PCF11: variants seen among roughly 807,000 people sequenced by gnomAD.
PCF11 encodes the protein pre-mRNA cleavage complex 2 protein Pcf11.
In PCF11, 19 loss-of-function variants were observed where a neutral mutation model predicts 166.1. The observed-to-expected ratio is 0.11, with a 90% CI of 0.08 to 0.17. The LOEUF (loss-of-function observed/expected upper bound fraction) is 0.17. Among genes scored for constraint, PCF11 ranks in the 10% least tolerant of loss-of-function variants. The pLI, the probability that PCF11 is intolerant of heterozygous loss-of-function variation, is 1.00. For synonymous variants in PCF11, 663 were observed against 644.1 expected, an observed-to-expected ratio of 1.03 and a Z score of -0.44; for missense variants, 1,565 against 1,855.5, an observed-to-expected ratio of 0.84 and a Z score of 2.88.
chr11:83,175,538 G>A (rs1330736719), intron 9 of PCF11, among the ~76,000 whole-genome samples: 1 of 152,190 alleles, frequency 6.6e-6, no homozygotes, highest in Non-Finnish European at 1.5e-5. Context: ...AGATCATGGA[G>A]TCAGGAGATC....
intron 1 of PCF11, among the ~76,000 whole-genome samples, chr11:83,159,549 A>G (rs973710820): frequency 6.6e-6 from 1 of 152,206 alleles, no homozygotes; most frequent in Admixed American, 6.5e-5. Context: ...GTATATCGCT[A>G]CACAGTGATG....
exon 16 of PCF11, chr11:83,185,447 G>GATATATATAT (rs34956679): frequency 2.1e-4 from 31 of 149,358 alleles, no homozygotes; most frequent in African/African-American, 7.3e-4. Flanking sequence ...ATATTTTGCA[G>GATATATATAT]ATATATATAT....
intron 2 of PCF11, among the ~76,000 whole-genome samples, chr11:83,163,455 G>T (rs994873574): frequency 5.3e-5 from 8 of 152,006 alleles, no homozygotes; most frequent in Non-Finnish European, 1.2e-4. Flanking sequence ...ATATAGAAAG[G>T]CTCACCTGGT....
At chr11:83,166,460 T>G (rs373286413) in exon 5 of PCF11, 1 of 1,613,844 alleles carries the variant, frequency 6.2e-7, no homozygotes, top group African/African-American at 1.3e-5. Flanking sequence ...CTGGAAAGAT[T>G]CGCCAATCTG....
rs35201107 is a variant in PCF11 at position 83,160,321 on chromosome 11, GTTTTTTT to G, written c.193-990_193-984del. ...GGGTGGGTAAATGGGGATAACCTAA[GTTTTTTT>G]TTTTTTTTTTTTTTTGTCTTTTTTT... is the stretch of plus-strand genomic sequence containing the variant. On this transcript the variant is annotated intron_variant, in intron 1 of 15. Transcript: ENST00000298281. Among the ~76,000 whole-genome samples, 192 of 91,294 alleles carry G rather than the reference GTTTTTTT, an allele frequency of 2.1e-3. 2 individuals are homozygous for G. The highest frequency in any genetic ancestry group is 8.1e-3 in the Middle Eastern group (1 of 124). 59.9% of individuals were successfully genotyped at this position (91,294 alleles called of 152,430 possible). A position where few individuals can be genotyped will look rare whatever the true frequency, so the allele number is the denominator to read the frequency against.
exon 1 of PCF11, chr11:83,157,180 A>C (rs572354270): frequency 1.7e-6 from 1 of 574,112 alleles, no homozygotes; most frequent in Non-Finnish European, 3.1e-6. Context: ...TGGAGCCGCC[A>C]CTGCCGCCGC....
chr11:83,184,517 C>G, intron 15 of PCF11, 162 bp from the exon 16 acceptor site: 1 of 609,148 alleles, frequency 1.6e-6, no homozygotes, highest in Non-Finnish European at 2.9e-6. Flanking sequence ...TATTTTATTT[C>G]TGGTTGTCTT....
chr11:83,177,094 C>T (rs1161017141), exon 10 of PCF11: 2 of 1,528,070 alleles, frequency 1.3e-6, no homozygotes, highest in African/African-American at 1.4e-5. Context: ...GGAGCCCTCC[C>T]TAAGGCATAT....
chr11:83,179,246 A>T, intron 11 of PCF11, among the ~76,000 whole-genome samples: 1 of 150,320 alleles, frequency 6.7e-6, no homozygotes, highest in South Asian at 2.1e-4. Flanking sequence ...TCTGCCATTT[A>T]CCTCTTTTTC....
chr11:83,161,833 G>C lies in PCF11; in HGVS notation c.318+381G>C, dbSNP rs778206185. ...TGTTAGGATGTTGACTGTTCTCTTGGGGGGGTAAAAAGCATAATCCCTCAG... is the reference window on the plus strand; with the variant it reads ...TGTTAGGATGTTGACTGTTCTCTTGCGGGGGTAAAAAGCATAATCCCTCAG... On this transcript the variant is annotated intron_variant, in intron 2 of 15. Coordinates refer to ENST00000298281, the Ensembl canonical transcript of PCF11. 1.5e-3 allele frequency among the ~76,000 whole-genome samples: 233 copies of C among 152,044 alleles called. 4 individuals are homozygous for C. Among genetic ancestry groups the C allele is most frequent in the Non-Finnish European group, 6.8e-4 (46 of 67,992 alleles).
chr11:83,177,995 A>T (rs1214450122), intron 11 of PCF11, among the ~76,000 whole-genome samples, 176 bp downstream of exon 11: 6 of 150,606 alleles, frequency 4.0e-5, no homozygotes, highest in Non-Finnish European at 8.8e-5. Context: ...AGTCTTTGGG[A>T]AGCCTATTTT....
At chr11:83,181,654 C>A in intron 12 of PCF11, among the ~76,000 whole-genome samples, 200 bp from the exon 13 acceptor site, 1 of 150,292 alleles carries the variant, frequency 6.7e-6, no homozygotes, top group Non-Finnish European at 1.5e-5. Flanking sequence ...GTAGTTGTAA[C>A]TATAGAGTTA....
chr11:83,176,295 A>C (rs1183975889), intron 9 of PCF11, among the ~76,000 whole-genome samples: 1 of 152,196 alleles, frequency 6.6e-6, no homozygotes, highest in Non-Finnish European at 1.5e-5. Context: ...TCAAGCATCT[A>C]GAACTAGAAA....
chr11:83,184,703 T>C, exon 16 of PCF11: 1 of 1,611,786 alleles, frequency 6.2e-7, no homozygotes, highest in South Asian at 1.1e-5. Context: ...TTGTACACCA[T>C]CTCCCAGCAA....
At chr11:83,162,407 G>C (rs1211030815) in intron 2 of PCF11, among the ~76,000 whole-genome samples, 2 of 152,190 alleles carry the variant, frequency 1.3e-5, no homozygotes, top group Admixed American at 1.3e-4. Context: ...TAAGTTCTTA[G>C]AGAAAAACAG....
At chr11:83,176,067 CA>C (rs1163488112) in intron 9 of PCF11, among the ~76,000 whole-genome samples, 2 of 152,168 alleles carry the variant, frequency 1.3e-5, no homozygotes, top group Non-Finnish European at 2.9e-5. Context: ...GGAGTACTTC[CA>C]CTTAGGCTTA....
chr11:83,183,443 AT>A (rs567376861), intron 15 of PCF11, among the ~76,000 whole-genome samples: 2 of 151,124 alleles, frequency 1.3e-5, no homozygotes, highest in African/African-American at 4.9e-5. Flanking sequence ...ATTTACTGCT[AT>A]TTTTTTTTCT....
chr11:83,182,339 A>C, intron 13 of PCF11, 60 bp from the exon 14 acceptor site: 1 of 878,780 alleles, frequency 1.1e-6, no homozygotes, highest in South Asian at 1.5e-5. Context: ...GTATATTTTT[A>C]CTTAATGGGG....
Position 83,167,484 on chromosome 11 carries a change from C to A in PCF11, c.2071C>A (p.Gln691Lys), listed in dbSNP as rs1860511906. 6.2e-7 allele frequency: 1 copy of A among 1,609,578 alleles called. No homozygotes were observed. Among genetic ancestry groups the A allele is most frequent in the Non-Finnish European group, 8.5e-7 (1 of 1,178,400 alleles). The stretch of plus-strand genomic sequence containing the variant: ...CCTTGTTGTTGTGCATCAAATTCGA[C>A]AGCTATTTCAGTATCAAGAAGGTAA... Residue 691 changes from glutamine to lysine, a missense_variant, in exon 7 of 16, where the codon CAG becomes AAG. Physicochemically the swap from Gln to Lys is moderately conservative, Grantham distance 53 (BLOSUM62 1). This residue lies in a region of PCF11 where 26 missense variants were observed against 63.3 expected (regional missense o/e 0.41). Coordinates refer to ENST00000298281, the Ensembl canonical transcript of PCF11. This position sits in a 1 kb window ranked among gnomAD's most constrained non-coding sequence, Gnocchi z 4.2.
Sources: allele counts gnomAD v4.1 joint callset (sites outside exome capture counted in the v4.1 genomes callset), GRCh38; gene constraint gnomAD v4.1.1; regional missense constraint gnomAD v4.1.1; non-coding constraint Gnocchi (gnomAD v3.1); transcripts MANE v1.5; gene names NCBI Gene and HGNC (gene_info 2026-07-23, HGNC 2026-07-21).